The following SAMD9L variants were observed in gnomAD, a reference collection of about 807,000 sequenced individuals.
SAMD9L encodes the protein sterile alpha motif domain-containing protein 9-like.
Under a neutral mutation model 90.7 loss-of-function variants are expected in SAMD9L, and 68 were observed. That is an observed-to-expected ratio of 0.75 (90% CI 0.62 to 0.92). The LOEUF (loss-of-function observed/expected upper bound fraction) is 0.92. SAMD9L is among the 40% of genes least tolerant of loss of function. The probability of loss-of-function intolerance (pLI) is 0.00; values close to 1 mark genes in which losing one functional copy is unlikely to be tolerated. For synonymous variants in SAMD9L, 640 were observed against 630.1 expected (o/e 1.02, Z -0.23); for missense variants, 1,604 against 1,824.3 (o/e 0.88, Z 2.20).
chr7:93,132,107 C>A lies in SAMD9L; in HGVS notation c.3865G>T (p.Glu1289Ter). 6.2e-7 allele frequency: 1 copy of A among 1,613,400 alleles called. No homozygotes were observed. Among genetic ancestry groups the A allele is most frequent in the Non-Finnish European group, 8.5e-7 (1 of 1,179,806 alleles). Residue 1289 changes from glutamate (E) to a stop codon, truncating the protein, a stop_gained, in exon 5 of 5, where the codon GAA becomes TAA. Transcript: ENST00000318238. LOFTEE classifies it high-confidence loss of function. ...KMRYTQKEIAEIMLSKKVSRC... is the reference protein window; with the variant it reads ...KMRYTQKEIA ...CTGACTTTCTTGCTTAACATGATTT[C>A]TGCAATTTCTTTTTGGGTATACCTC...
At position 93,131,233 on chromosome 7, in the gene SAMD9L, T is replaced by C; in HGVS notation, c.4739A>G (p.Asp1580Gly). ...TGTATTGTCTTAAATTACTTCTATA[T>C]CATATGCCAGAGGGCCTTCAATGGA... The part of the protein sequence containing the change: ...GFSIEGPLAY[D>G]IEVI The change falls in exon 5 of 5, where the codon GAT (aspartate) becomes GGT (glycine). Residue 1580 changes from aspartate (D) to glycine (G), a missense_variant. Physicochemically the swap from Asp to Gly is moderately conservative, Grantham distance 94. Transcript: ENST00000318238. 1 of 1,555,056 alleles carries C rather than the reference T, an allele frequency of 6.4e-7. No individual in the cohort carries two copies. The highest frequency in any genetic ancestry group is 8.7e-7 in the Non-Finnish European group (1 of 1,153,816).
chr7:93,132,367 T>TA lies in SAMD9L; in HGVS notation c.3604_3605insT (p.Glu1202ValfsTer21). 3 of 1,613,882 alleles carry TA rather than the reference T, an allele frequency of 1.9e-6. No homozygotes were observed. Among genetic ancestry groups the TA allele is most frequent in the Non-Finnish European group, 2.5e-6 (3 of 1,179,866 alleles). The stretch of plus-strand genomic sequence containing the variant: ...AATCTGGATAGTGTAAAGACCAACT[T>TA]CTATTTCACCCAAGAAACAAGCTGT... On this transcript the variant is annotated frameshift_variant, in exon 5 of 5. Coordinates refer to ENST00000318238, the MANE Select transcript of SAMD9L (RefSeq NM_152703.5). LOFTEE classifies it high-confidence loss of function.
chr7:93,134,168 C>G lies in SAMD9L; in HGVS notation c.1804G>C (p.Asp602His), dbSNP rs759187997. ...DLLQTRMKMEDELTNHSISTL... is the reference protein window; with the variant it reads ...DLLQTRMKMEHELTNHSISTL... ...GAAATACTGTGGTTTGTTAGTTCAT[C>G]TTCCATCTTCATTCTTGTTTGTAGT... Residue 602 changes from aspartate to histidine, a missense_variant, in exon 5 of 5, where the codon GAT becomes CAT. Asp to His is a moderately conservative substitution (Grantham distance 81). Around this residue, in one of 7 missense-constraint regions of SAMD9L, gnomAD observed 606 missense variants for 717.6 expected, o/e 0.84. Coordinates refer to ENST00000318238, the MANE Select transcript of SAMD9L (RefSeq NM_152703.5). 1 of 1,613,726 alleles carries G rather than the reference C, an allele frequency of 6.2e-7. No homozygotes were observed. Among genetic ancestry groups the G allele is most frequent in the Non-Finnish European group, 8.5e-7 (1 of 1,179,760 alleles).
Position 93,135,596 on chromosome 7 carries a change from T to C in SAMD9L, c.376A>G (p.Ile126Val). 6.2e-7 allele frequency: 1 copy of C among 1,614,024 alleles called. No homozygotes were observed. The highest frequency in any genetic ancestry group is 1.1e-5 in the South Asian group (1 of 91,082). The change falls in exon 5 of 5, where the codon ATC (isoleucine) becomes GTC (valine). Residue 126 changes from isoleucine (I) to valine (V), a missense_variant. Ile to Val is a conservative substitution (Grantham distance 29). This residue lies in a region of SAMD9L where 374 missense variants were observed against 363.6 expected (regional missense o/e 1.03). Coordinates refer to ENST00000318238, the MANE Select transcript of SAMD9L (RefSeq NM_152703.5). ...GATTCTTCTTGTTTGATATCTCTGA[T>C]CTCTCTGGGATCATAATCAATATTA... ...SSNIDYDPREIRDIKQEESIL... is the reference protein window; with the variant it reads ...SSNIDYDPREVRDIKQEESIL...
chr7:93,137,079 G>T (rs934637112), intron 4 of SAMD9L, among the ~76,000 whole-genome samples: 1 of 151,808 alleles, frequency 6.6e-6, no homozygotes, highest in Non-Finnish European at 1.5e-5. Flanking sequence ...AATATTTTAC[G>T]GACAGACAAA....
rs867299630 is a variant in SAMD9L at position 93,132,359 on chromosome 7, G to A, written c.3613C>T (p.Leu1205Phe). 6.2e-7 allele frequency: 1 copy of A among 1,613,876 alleles called. No homozygotes were observed. The highest frequency in any genetic ancestry group is 8.5e-7 in the Non-Finnish European group (1 of 1,179,872). The stretch of plus-strand genomic sequence containing the variant: ...AGCTGAAGAATCTGGATAGTGTAAA[G>A]ACCAACTTCTATTTCACCCAAGAAA... ...ACFLGEIEVGLYTIQILQLTP... is the reference protein window; with the variant it reads ...ACFLGEIEVGFYTIQILQLTP... The change falls in exon 5 of 5, where the codon CTT (leucine) becomes TTT (phenylalanine). Residue 1205 changes from leucine (L) to phenylalanine (F), a missense_variant. By Grantham distance (22) the Leu-to-Phe change is conservative. Coordinates refer to ENST00000318238, the MANE Select transcript of SAMD9L (RefSeq NM_152703.5).
rs757396499 is a variant in SAMD9L at position 93,135,237 on chromosome 7, G to T, written c.735C>A (p.Pro245=). 2.5e-6 allele frequency: 4 copies of T among 1,614,028 alleles called. No homozygotes were observed. The highest frequency in any genetic ancestry group is 3.4e-6 in the Non-Finnish European group (4 of 1,179,962). Residue 245 remains proline (P), a synonymous_variant, in exon 5 of 5, where the codon CCC becomes CCA. Transcript: ENST00000318238. ...TTTTCACACCAACAATTTCTCCATG[G>T]GGTTTGTCCTTGACTCCAAAATGGA... is the stretch of plus-strand genomic sequence containing the variant. ...GTIHFGVKDK[P]HGEIVGVKIT... is the part of the protein sequence containing the mutation.
rs1269649126 is a variant in SAMD9L at position 93,131,293 on chromosome 7, C to T, written c.4679G>A (p.Arg1560Lys). The T allele has an allele frequency of 6.2e-7, 1 of 1,611,680 alleles. No homozygotes were observed. The highest frequency in any genetic ancestry group is 8.5e-7 in the Non-Finnish European group (1 of 1,179,032). ...GTAGAAAGACACTCTTTCTATGTTCCTACCACTTCTGAGTGGACCTGAATA... is the reference window on the plus strand; with the variant it reads ...GTAGAAAGACACTCTTTCTATGTTCTTACCACTTCTGAGTGGACCTGAATA... Reference protein sequence around the residue: ...SVYSGPLRSGRNIERVSFYLG... With the variant: ...SVYSGPLRSGKNIERVSFYLG... The change falls in exon 5 of 5, where the codon AGG becomes AAG. Residue 1560 changes from arginine to lysine, a missense_variant. By Grantham distance (26) the Arg-to-Lys change is conservative (BLOSUM62 2). Coordinates refer to ENST00000318238, the MANE Select transcript of SAMD9L (RefSeq NM_152703.5).
In SAMD9L at chr7:93,134,207, G is replaced by A. The variant is rs763831653; in HGVS notation, c.1765C>T (p.Arg589Ter). The A allele has an allele frequency of 8.1e-6, 13 of 1,612,724 alleles. No homozygotes were observed. Among genetic ancestry groups the A allele is most frequent in the Admixed American group, 5.0e-5 (3 of 59,908 alleles). The part of the protein sequence containing the change: ...CISVNSHIYQ[R>*]WKDLLQTRMK... The stretch of plus-strand genomic sequence containing the variant: ...CTTGTTTGTAGTAGATCTTTCCATC[G>A]TTGATAAATATGTGAGTTTACAGAG... Residue 589 changes from arginine to a stop codon, truncating the protein, a stop_gained, in exon 5 of 5, where the codon CGA becomes TGA. Transcript: ENST00000318238. LOFTEE classifies it high-confidence loss of function.
chr7:93,131,278 A>ACTCTTTCTATGT lies in SAMD9L; in HGVS notation c.4682_4693dup (p.Arg1564_Val1565insAspIleGluArg). The stretch of plus-strand genomic sequence containing the variant: ...AATGGAAAATCCTAGGTAGAAAGAC[A>ACTCTTTCTATGT]CTCTTTCTATGTTCCTACCACTTCT... On this transcript the variant is annotated inframe_insertion, in exon 5 of 5. Coordinates refer to ENST00000318238, the MANE Select transcript of SAMD9L (RefSeq NM_152703.5). The ACTCTTTCTATGT allele has an allele frequency of 6.2e-7, 1 of 1,603,888 alleles. No individual in the cohort carries two copies. Among genetic ancestry groups the ACTCTTTCTATGT allele is most frequent in the African/African-American group, 1.3e-5 (1 of 74,440 alleles).
chr7:93,131,937 T>G lies in SAMD9L; in HGVS notation c.4035A>C (p.Glu1345Asp). ...LRADRFAGLL[E>D]YLNPNYKDAT... ...CATCTTTGTAGTTTGGATTAAGATA[T>G]TCCAAGAGTCCAGCAAACCTATCTG... The change falls in exon 5 of 5, where the codon GAA becomes GAC. Residue 1345 changes from glutamate to aspartate, a missense_variant. This residue lies in a region of SAMD9L where 282 missense variants were observed against 329.6 expected (regional missense o/e 0.86). Coordinates refer to ENST00000318238, the MANE Select transcript of SAMD9L (RefSeq NM_152703.5). 6.2e-7 allele frequency: 1 copy of G among 1,613,014 alleles called. No individual in the cohort carries two copies. Among genetic ancestry groups the G allele is most frequent in the Non-Finnish European group, 8.5e-7 (1 of 1,179,668 alleles).
Position 93,133,083 on chromosome 7 carries a change from C to G in SAMD9L, c.2889G>C (p.Lys963Asn). Residue 963 changes from lysine to asparagine, a missense_variant, in exon 5 of 5, where the codon AAG becomes AAC. Coordinates refer to ENST00000318238, the MANE Select transcript of SAMD9L (RefSeq NM_152703.5). Reference protein sequence around the residue: ...TPWEPESLEDKMGTYSTLLIK... With the variant: ...TPWEPESLEDNMGTYSTLLIK... ...TTAGAAGTGTAGAATAAGTTCCCAT[C>G]TTGTCTTCTAAGCTTTCAGGTTCCC... 2 of 1,613,158 alleles carry G rather than the reference C, an allele frequency of 1.2e-6. No individual in the cohort carries two copies. Among genetic ancestry groups the G allele is most frequent in the Non-Finnish European group, 1.7e-6 (2 of 1,179,364 alleles).
intron 4 of SAMD9L, among the ~76,000 whole-genome samples, chr7:93,142,710 G>C (rs1240392594): frequency 6.6e-6 from 1 of 152,198 alleles, no homozygotes; most frequent in East Asian, 1.9e-4. Context: ...CAGAACCCCA[G>C]GGCTTCAGGG....
rs1345319729 is a variant in SAMD9L at position 93,143,534 on chromosome 7, C to T, written c.-21+1198G>A. ...ACGGTCACCTTGCTTCCTGTTTAAA[C>T]CAGCAGAATTGAAGGAATCCAAAGA... On this transcript the variant is annotated intron_variant, in intron 4 of 4. Coordinates refer to ENST00000318238, the MANE Select transcript of SAMD9L (RefSeq NM_152703.5). 2.6e-5 allele frequency among the ~76,000 whole-genome samples: 4 copies of T among 152,234 alleles called. No homozygotes were observed. The East Asian group carries it at 5.8e-4, about 22-fold the overall frequency.
chr7:93,142,962 C>G (rs1316199464), intron 4 of SAMD9L, among the ~76,000 whole-genome samples: 2 of 152,212 alleles, frequency 1.3e-5, no homozygotes, highest in Non-Finnish European at 2.9e-5. Context: ...CACCAGCGCT[C>G]TACAAGAAGC....
chr7:93,136,785 T>A (rs1792472533), intron 4 of SAMD9L, among the ~76,000 whole-genome samples: 1 of 152,228 alleles, frequency 6.6e-6, no homozygotes, highest in African/African-American at 2.4e-5. Flanking sequence ...TGGTTAAACA[T>A]TAGAATTACT....
At chr7:93,140,747 A>G (rs1035278783) in intron 4 of SAMD9L, among the ~76,000 whole-genome samples, 3 of 152,158 alleles carry the variant, frequency 2.0e-5, no homozygotes, top group African/African-American at 7.2e-5. Context: ...TTCTGCCCAC[A>G]TGCCTAGTGA....
In SAMD9L at chr7:93,131,161, G is replaced by T. The variant is rs1792069633; in HGVS notation, c.*56C>A. On this transcript the variant is annotated 3_prime_UTR_variant, in exon 5 of 5. Transcript: ENST00000318238. ...AAAGTGCCATGAGAATAGAGAGAGA[G>T]AATAAAATCATAAAGATATAAATAA... 9.2e-7 allele frequency: 1 copy of T among 1,085,798 alleles called. No homozygotes were observed. The highest frequency in any genetic ancestry group is 1.3e-6 in the Non-Finnish European group (1 of 769,876). The allele number at this position is 1,085,798 out of a possible 1,614,324, so 67.3% of individuals were successfully genotyped here.
rs1261768512 is a variant in SAMD9L, at chr7:93,131,232, AT to A, written c.4739del (p.Asp1580ValfsTer2). The A allele has an allele frequency of 6.5e-7, 1 of 1,549,220 alleles. No individual in the cohort carries two copies. The highest frequency in any genetic ancestry group is 2.2e-5 in the East Asian group (1 of 44,604). ...ATGTATTGTCTTAAATTACTTCTAT[AT>A]CATATGCCAGAGGGCCTTCAATGGA... The part of the protein sequence containing the change: ...GFSIEGPLAY[D>X]IEVI On this transcript the variant is annotated frameshift_variant, in exon 5 of 5. Coordinates refer to ENST00000318238, the MANE Select transcript of SAMD9L (RefSeq NM_152703.5). LOFTEE classifies it high-confidence loss of function.
Sources: allele counts gnomAD v4.1 joint callset (sites outside exome capture counted in the v4.1 genomes callset), GRCh38; gene constraint gnomAD v4.1.1; regional missense constraint gnomAD v4.1.1; transcripts MANE v1.5; gene names NCBI Gene and HGNC (gene_info 2026-07-23, HGNC 2026-07-21).